The following PTGES2 variants were observed in gnomAD, a reference collection of about 807,000 sequenced individuals.
PTGES2 encodes GATE-binding factor 1.
Under a neutral mutation model 44.5 loss-of-function variants are expected in PTGES2, and 35 were observed. That is an observed-to-expected ratio of 0.79 (90% CI 0.60 to 1.04). The LOEUF (loss-of-function observed/expected upper bound fraction) is 1.04, where lower values mean the gene tolerates loss of function less well. Among genes scored for constraint, PTGES2 ranks in the 50% least tolerant of loss-of-function variants. The pLI is 0.00. For synonymous variants in PTGES2, 221 were observed against 227.5 expected (o/e 0.97, Z 0.26); for missense variants, 517 against 521.4 (o/e 0.99, Z 0.08).
chr9:128,125,186 G>T, intron 2 of PTGES2, 58 bp downstream of exon 2: 3 of 1,483,034 alleles, frequency 2.0e-6, no homozygotes, highest in Non-Finnish European at 2.7e-6. Context: ...CAGGCTAGGG[G>T]GCGCTCCAGG....
At chr9:128,126,465 G>A (rs1393227007) in intron 1 of PTGES2, among the ~76,000 whole-genome samples, 1 of 152,170 alleles carries the variant, frequency 6.6e-6, no homozygotes, top group Non-Finnish European at 1.5e-5. Flanking sequence ...CACAGCCTTA[G>A]GATTTGGGGG....
chr9:128,123,488 T>C lies in PTGES2; in HGVS notation c.686+214A>G, dbSNP rs557427135. On this transcript the variant is annotated intron_variant, in intron 4 of 6. Transcript: ENST00000338961. The surrounding 1 kb of genome is among the most constrained non-coding windows in gnomAD (Gnocchi z 4.4). Reference sequence around the variant, plus strand: ...CTTGAACTCCTGACCTCAGGTGATCTGCCTGCCTCGGCCTCCCAACAGGCT... The same window carrying C: ...CTTGAACTCCTGACCTCAGGTGATCCGCCTGCCTCGGCCTCCCAACAGGCT... 6.6e-6 allele frequency among the ~76,000 whole-genome samples: 1 copy of C among 152,172 alleles called. No individual in the cohort carries two copies. Among genetic ancestry groups the C allele is most frequent in the East Asian group, 1.9e-4 (1 of 5,160 alleles).
chr9:128,128,246 A>G (rs1197664539), upstream of PTGES2: 2 of 450,478 alleles, frequency 4.4e-6, no homozygotes, highest in Non-Finnish European at 8.9e-6. Context: ...ATTTTCCCGA[A>G]CCCGAAGGGG....
chr9:128,126,286 G>C (rs770544659), intron 1 of PTGES2, among the ~76,000 whole-genome samples: 11 of 152,198 alleles, frequency 7.2e-5, no homozygotes, highest in Non-Finnish European at 1.3e-4. Context: ...GGGAAGTCAA[G>C]TAATGAAGAG....
rs1377711480 is a variant in PTGES2 at position 128,122,924 on chromosome 9, A to G, written c.887+10T>C. The G allele has an allele frequency of 6.2e-7, 1 of 1,613,638 alleles. No individual in the cohort carries two copies. Among genetic ancestry groups the G allele is most frequent in the Non-Finnish European group, 8.5e-7 (1 of 1,179,886 alleles). On this transcript the variant is annotated intron_variant, in intron 5 of 6. Coordinates refer to ENST00000338961, the MANE Select transcript of PTGES2 (RefSeq NM_025072.7). ...GGGACAGCAGGCCCCGGATGTGCACACACACTTGCCTGCTCTTGAGTCGCT... is the reference window on the plus strand; with the variant it reads ...GGGACAGCAGGCCCCGGATGTGCACGCACACTTGCCTGCTCTTGAGTCGCT...
rs1714717350 is a variant in PTGES2, at chr9:128,125,178, G to C, written c.477+66C>G. ...CTTCCCAGGCTGCAGAGCCAGGCCA[G>C]GCTAGGGGGCGCTCCAGGACAACCC... On this transcript the variant is annotated intron_variant, in intron 2 of 6. Transcript: ENST00000338961. 3 of 1,456,082 alleles carry C rather than the reference G, an allele frequency of 2.1e-6. No homozygotes were observed. The Admixed American group carries it at 6.2e-5, about 30-fold the overall frequency. 90.2% of individuals were successfully genotyped at this position (1,456,082 alleles called of 1,614,324 possible).
intron 1 of PTGES2, among the ~76,000 whole-genome samples, chr9:128,125,739 A>G (rs995263406): frequency 2.0e-5 from 3 of 152,150 alleles, no homozygotes; most frequent in African/African-American, 7.2e-5. Context: ...TCCAGTCCCA[A>G]GGGGACACCA....
chr9:128,128,390 T>C, upstream of PTGES2: 1 of 455,588 alleles, frequency 2.2e-6, no homozygotes, highest in South Asian at 1.5e-5. Context: ...CCGCCCTAGC[T>C]GAAGCCCGGA....
intron 1 of PTGES2, 113 bp from the exon 2 acceptor site, chr9:128,125,554 G>A: frequency 1.0e-6 from 1 of 963,040 alleles, no homozygotes; most frequent in Non-Finnish European, 1.6e-6. Flanking sequence ...ACATCGGGAA[G>A]AGGAACTAGA....
intron 5 of PTGES2, chr9:128,122,724 A>C (rs375518965): frequency 3.1e-6 from 2 of 647,628 alleles, no homozygotes; most frequent in Non-Finnish European, 5.3e-6. Context: ...TTCCGGCTTC[A>C]AGGCCAGCCC....
upstream of PTGES2, chr9:128,128,199 C>T (rs907696530): frequency 7.6e-6 from 3 of 393,542 alleles, no homozygotes; most frequent in South Asian, 3.6e-5. Flanking sequence ...GCCCTCCCGC[C>T]TCATTGTCCG....
intron 6 of PTGES2, 98 bp from the exon 7 acceptor site, chr9:128,121,371 C>CCCCCTT: frequency 1.4e-5 from 20 of 1,456,546 alleles, no homozygotes; most frequent in Non-Finnish European, 1.8e-5. Context: ...CCGTCCCCTC[C>CCCCCTT]CCCCTTGGAG....
chr9:128,124,778 C>A, intron 2 of PTGES2: 1 of 1,321,654 alleles, frequency 7.6e-7, no homozygotes, highest in East Asian at 3.2e-5. Flanking sequence ...AGCCCACTCA[C>A]CCATTTGGCC....
At chr9:128,122,670 G>T in intron 5 of PTGES2, 191 bp from the exon 6 acceptor site, 1 of 634,416 alleles carries the variant, frequency 1.6e-6, no homozygotes, top group Non-Finnish European at 2.7e-6. Flanking sequence ...AAGAGACCAG[G>T]CCAGGGAGAA....
At chr9:128,122,627 A>G (rs1229911345) in intron 5 of PTGES2, 148 bp from the exon 6 acceptor site, 5 of 689,588 alleles carry the variant, frequency 7.3e-6, no homozygotes, top group Non-Finnish European at 4.9e-6. Context: ...CTCAGGGAGC[A>G]TCCGTCCCAG....
intron 1 of PTGES2, 101 bp downstream of exon 1, chr9:128,127,338 G>A: frequency 9.2e-7 from 1 of 1,087,556 alleles, no homozygotes; most frequent in Non-Finnish European, 1.2e-6. Flanking sequence ...ACTCGCCCAA[G>A]GTCACAAGCA....
chr9:128,125,574 G>C (rs1834589406), intron 1 of PTGES2, 133 bp from the exon 2 acceptor site: 2 of 823,316 alleles, frequency 2.4e-6, no homozygotes, highest in South Asian at 3.4e-5. Flanking sequence ...AGATGGAAGG[G>C]GGCGGTAGGG....
At position 128,127,713 on chromosome 9, in the gene PTGES2, T is replaced by TCCATGTTCGCTCCGCCGGCG. The variant is rs1834687590; in HGVS notation, c.4_5insCGCCGGCGGAGCGAACATGG (p.Asp2AlafsTer108). On this transcript the variant is annotated frameshift_variant, in exon 1 of 7. Transcript: ENST00000338961. LOFTEE classifies it high-confidence loss of function. ...CGCCCGCACCACCCGCGCAGCCGGG[T>TCCATGTTCGCTCCGCCGGCG]CCATGTTCGCTCCGCCGGCGCCGCG... 1 of 1,266,188 alleles carries TCCATGTTCGCTCCGCCGGCG rather than the reference T, an allele frequency of 7.9e-7. No homozygotes were observed. Among genetic ancestry groups the TCCATGTTCGCTCCGCCGGCG allele is most frequent in the Non-Finnish European group, 9.9e-7 (1 of 1,007,298 alleles). The allele number at this position is 1,266,188 out of a possible 1,614,324, so 78.4% of individuals were successfully genotyped here. A position where few individuals can be genotyped will look rare whatever the true frequency, so the allele number is the denominator to read the frequency against.
rs1400127927 is a variant in PTGES2 at position 128,123,988 on chromosome 9, G to C, written c.537-137C>G. On this transcript the variant is annotated intron_variant, in intron 3 of 6. Coordinates refer to ENST00000338961, the MANE Select transcript of PTGES2 (RefSeq NM_025072.7). The surrounding 1 kb of genome is among the most constrained non-coding windows in gnomAD (Gnocchi z 4.4). ...GGACTCTTGCAGTAAGAGGGATTTG[G>C]AGTAGATGCCAGGGCTACCTCCCCA... 13 of 972,798 alleles carry C rather than the reference G, an allele frequency of 1.3e-5. No individual in the cohort carries two copies. The highest frequency in any genetic ancestry group is 2.6e-5 in the East Asian group (1 of 37,808). The allele number at this position is 972,798 out of a possible 1,614,324, so 60.3% of individuals were successfully genotyped here.
Sources: gnomAD v4.1 joint callset for allele counts (sites outside exome capture counted in the v4.1 genomes callset) on GRCh38, gnomAD v4.1.1 for gene constraint, Gnocchi (gnomAD v3.1) non-coding constraint, MANE v1.5 for transcripts, NCBI Gene and HGNC (gene_info 2026-07-23, HGNC 2026-07-21) for gene names.